AK7: variants seen among roughly 807,000 people sequenced by gnomAD.
The protein encoded by AK7 is adenylate kinase 7, also known as ATP-AMP transphosphorylase 7.
In AK7, 78 loss-of-function variants were observed where a neutral mutation model predicts 96.6. The observed-to-expected ratio is 0.81, with a 90% CI of 0.67 to 0.97. The LOEUF (loss-of-function observed/expected upper bound fraction) is 0.97. Ranked by LOEUF, AK7 falls within the 50% of genes least tolerant of loss-of-function variation. The probability of loss-of-function intolerance (pLI) is 0.00; values close to 1 mark genes in which losing one functional copy is unlikely to be tolerated. For missense variants in AK7, 855 were observed against 887.9 expected (o/e 0.96, Z 0.47); for synonymous variants, 302 against 317.2 (o/e 0.95, Z 0.51).
At chr14:96,433,785 TAGG>T (rs1892488930) in intron 5 of AK7, among the ~76,000 whole-genome samples, 1 of 152,184 alleles carries the variant, frequency 6.6e-6, no homozygotes, top group South Asian at 2.1e-4. Flanking sequence ...TATTTTTTAA[TAGG>T]GGGTTTTCAA....
chr14:96,410,459 C>T (rs977807025), intron 4 of AK7, among the ~76,000 whole-genome samples: 5 of 152,182 alleles, frequency 3.3e-5, no homozygotes, highest in African/African-American at 1.2e-4. Flanking sequence ...CAACGATGTC[C>T]TCAGTGCTCA....
chr14:96,456,574 GT>G, intron 11 of AK7, 99 bp downstream of exon 11: 1 of 1,402,830 alleles, frequency 7.1e-7, no homozygotes, highest in Non-Finnish European at 9.7e-7. Context: ...GCTGGATGCA[GT>G]TTAGATGATC....
At chr14:96,481,356 A>C (rs1002585990) in intron 15 of AK7, among the ~76,000 whole-genome samples, 2 of 151,982 alleles carry the variant, frequency 1.3e-5, no homozygotes, top group African/African-American at 2.4e-5. Context: ...TATTTTATTT[A>C]TTCTTTTTGA....
rs1890310087 is a variant in AK7, at chr14:96,399,982, A to G, written c.294+1719A>G. Among the ~76,000 whole-genome samples, 1 of 151,362 alleles carries G rather than the reference A, an allele frequency of 6.6e-6. No individual in the cohort carries two copies. Among genetic ancestry groups the G allele is most frequent in the African/African-American group, 2.4e-5 (1 of 41,132 alleles). ...CCGGTTGTCCTGCAGGCATTGCTGA[A>G]TCAACATATCCAAAATCATATTTAT... On this transcript the variant is annotated intron_variant, in intron 2 of 17. Coordinates refer to ENST00000267584, the MANE Select transcript of AK7 (RefSeq NM_152327.5). This position sits in a 1 kb window ranked among gnomAD's most constrained non-coding sequence, Gnocchi z 4.1.
chr14:96,412,065 C>T (rs948230220), intron 4 of AK7, among the ~76,000 whole-genome samples: 1 of 152,076 alleles, frequency 6.6e-6, no homozygotes, highest in African/African-American at 2.4e-5. Context: ...AAACAGAGCC[C>T]TCCAAAGAAG....
intron 3 of AK7, among the ~76,000 whole-genome samples, chr14:96,408,096 C>T (rs1890827267): frequency 6.6e-6 from 1 of 152,206 alleles, no homozygotes; most frequent in African/African-American, 2.4e-5. Context: ...TATCAGTGCT[C>T]TCCACTACAG....
At chr14:96,400,598 G>A (rs1223803704) in intron 2 of AK7, among the ~76,000 whole-genome samples, 1 of 152,200 alleles carries the variant, frequency 6.6e-6, no homozygotes, top group African/African-American at 2.4e-5. Context: ...TTTATCTTCA[G>A]GCTGGCAGTA....
At chr14:96,409,728 C>T (rs936669954) in intron 4 of AK7, among the ~76,000 whole-genome samples, 2 of 152,198 alleles carry the variant, frequency 1.3e-5, no homozygotes, top group Non-Finnish European at 2.9e-5. Flanking sequence ...GTGGTTATTA[C>T]GTTGCAAGAA....
intron 6 of AK7, among the ~76,000 whole-genome samples, chr14:96,439,955 A>C (rs1892873332): frequency 6.6e-6 from 1 of 152,046 alleles, no homozygotes. Context: ...CTGATTTTTA[A>C]TTTTTATTTG....
At chr14:96,426,481 T>C (rs148882136) in intron 5 of AK7, among the ~76,000 whole-genome samples, 77 of 152,356 alleles carry the variant, frequency 5.1e-4, no homozygotes, top group Non-Finnish European at 9.1e-4. Flanking sequence ...ATATTTTGTT[T>C]TTCTGTGTAC....
At chr14:96,395,384 C>G (rs1287994117) in intron 1 of AK7, among the ~76,000 whole-genome samples, 1 of 152,048 alleles carries the variant, frequency 6.6e-6, no homozygotes, top group African/African-American at 2.4e-5. Flanking sequence ...TCTTTGTGTT[C>G]ATGTTGCATA....
intron 5 of AK7, among the ~76,000 whole-genome samples, chr14:96,428,957 CTTTAG>C (rs1892189021): frequency 6.6e-6 from 1 of 152,076 alleles, no homozygotes; most frequent in Non-Finnish European, 1.5e-5. Context: ...TGCAGAAGCT[CTTTAG>C]TTTAGTTAGA....
At chr14:96,432,525 C>T (rs1030047274) in intron 5 of AK7, among the ~76,000 whole-genome samples, 12 of 152,096 alleles carry the variant, frequency 7.9e-5, no homozygotes, top group South Asian at 6.2e-4. Flanking sequence ...TGGCTGTTAG[C>T]GGTTTTTCCT....
At chr14:96,438,359 T>C (rs1892766280) in intron 6 of AK7, among the ~76,000 whole-genome samples, 1 of 150,848 alleles carries the variant, frequency 6.6e-6, no homozygotes, top group Non-Finnish European at 1.5e-5. Context: ...TGCTGGGGAG[T>C]AAGGTTGCGG....
At chr14:96,425,480 ATT>A (rs35861988) in intron 5 of AK7, among the ~76,000 whole-genome samples, 4 of 119,136 alleles carry the variant, frequency 3.4e-5, no homozygotes, top group African/African-American at 3.2e-5. Context: ...AGTCACACTG[ATT>A]TTTTTTTTTT....
intron 12 of AK7, among the ~76,000 whole-genome samples, chr14:96,468,167 A>G (rs2140147954): frequency 6.7e-6 from 1 of 149,990 alleles, no homozygotes; most frequent in East Asian, 1.9e-4. Flanking sequence ...ACAGTGAGCC[A>G]AGATCCCAAC....
At chr14:96,396,791 G>C (rs1890105987) in intron 1 of AK7, among the ~76,000 whole-genome samples, 1 of 152,240 alleles carries the variant, frequency 6.6e-6, no homozygotes. Context: ...TGGAAAGCAA[G>C]AAGAGAAACT....
chr14:96,397,338 T>G (rs1272595223), intron 1 of AK7, among the ~76,000 whole-genome samples: 1 of 151,984 alleles, frequency 6.6e-6, no homozygotes, highest in Admixed American at 6.6e-5. Context: ...AACTTCCACC[T>G]CCCAGGTTCA....
intron 5 of AK7, among the ~76,000 whole-genome samples, chr14:96,434,422 GTCTCTCTC>G (rs3077780): frequency 0.53 from 79,863 of 149,310 alleles, 21,537 homozygotes; most frequent in East Asian, 0.67. Context: ...CTGTCTGTCT[GTCTCTCTC>G]TCTCTCTCTC....
Sources: gnomAD v4.1 joint callset for allele counts (sites outside exome capture counted in the v4.1 genomes callset) on GRCh38, gnomAD v4.1.1 for gene constraint, Gnocchi (gnomAD v3.1) non-coding constraint, MANE v1.5 for transcripts, NCBI Gene and HGNC (gene_info 2026-07-23, HGNC 2026-07-21) for gene names.